Variants in ANO6 observed in about 807,000 individuals in gnomAD.
ANO6 encodes the protein anoctamin 6, also known as anoctamin-6.
A neutral mutation model predicts 117.5 loss-of-function variants in ANO6; 106 were observed. The observed-to-expected ratio is 0.90, with a 90% CI of 0.77 to 1.06. ANO6 has a LOEUF of 1.06. Among genes scored for constraint, ANO6 ranks in the 50% least tolerant of loss-of-function variants. The pLI, the probability that ANO6 is intolerant of heterozygous loss-of-function variation, is 0.00. For synonymous variants in ANO6, 367 were observed against 385.1 expected (o/e 0.95, Z 0.55); for missense variants, 955 against 1,121.1 (o/e 0.85, Z 2.12).
intron 11 of ANO6, among the ~76,000 whole-genome samples, chr12:45,389,791 G>T (rs182635419): frequency 6.6e-6 from 1 of 152,104 alleles, no homozygotes; most frequent in Non-Finnish European, 1.5e-5. Flanking sequence ...CCTCATGATC[G>T]CAGCTAAGGA....
intron 3 of ANO6, among the ~76,000 whole-genome samples, chr12:45,333,807 G>C (rs1199739619): frequency 6.6e-6 from 1 of 151,828 alleles, no homozygotes; most frequent in African/African-American, 2.4e-5. Context: ...CTCCTTGTCA[G>C]GCCTTATTGA....
At chr12:45,422,515 T>C (rs1247853388) in intron 18 of ANO6, among the ~76,000 whole-genome samples, 2 of 152,104 alleles carry the variant, frequency 1.3e-5, no homozygotes, top group Non-Finnish European at 2.9e-5. Context: ...TGTTACCAAA[T>C]TGAGCTTTAA....
chr12:45,384,351 T>C (rs976385946), intron 10 of ANO6, among the ~76,000 whole-genome samples: 12 of 152,224 alleles, frequency 7.9e-5, no homozygotes, highest in African/African-American at 2.9e-4. Context: ...TTCACTGGAG[T>C]AGTACTTTTC....
At chr12:45,315,676 A>T (rs551221082) in intron 2 of ANO6, among the ~76,000 whole-genome samples, 9 of 152,070 alleles carry the variant, frequency 5.9e-5, no homozygotes, top group Admixed American at 4.6e-4. Flanking sequence ...CTTTTCTCTC[A>T]GCCCTGCATG....
At chr12:45,254,360 A>T (rs1292584921) in intron 1 of ANO6, among the ~76,000 whole-genome samples, 1 of 152,110 alleles carries the variant, frequency 6.6e-6, no homozygotes, top group Non-Finnish European at 1.5e-5. Flanking sequence ...GGAGAGGAGG[A>T]TGGGGATGTT....
At chr12:45,227,653 A>G (rs1592840057) in intron 1 of ANO6, among the ~76,000 whole-genome samples, 2 of 152,068 alleles carry the variant, frequency 1.3e-5, no homozygotes, top group African/African-American at 4.8e-5. Context: ...TGTCATGGAA[A>G]CTGCTACTTT....
chr12:45,303,621 G>T (rs554338422), intron 2 of ANO6, among the ~76,000 whole-genome samples: 5 of 152,130 alleles, frequency 3.3e-5, no homozygotes, highest in Non-Finnish European at 7.4e-5. Flanking sequence ...GGCAAGTCTC[G>T]GCAGTTTGTT....
chr12:45,428,751 T>C (rs559580690), intron 19 of ANO6, among the ~76,000 whole-genome samples: 1 of 152,220 alleles, frequency 6.6e-6, no homozygotes, highest in Non-Finnish European at 1.5e-5. Context: ...TTTGGAGAAG[T>C]GCAAGGCCAT....
chr12:45,431,452 TAAAAG>T lies in ANO6; in HGVS notation c.*2145_*2149del, dbSNP rs1943630742. On this transcript the variant is annotated 3_prime_UTR_variant, in exon 20 of 20. Transcript: ENST00000320560. ...TATCTCCTGTATGTATGATAGAACTTAAAAGAAATGTGCATTTGTTTTCATAGCCC... is the reference window on the plus strand; with the variant it reads ...TATCTCCTGTATGTATGATAGAACTTAAATGTGCATTTGTTTTCATAGCCC... The T allele has an allele frequency of 3.0e-6, 3 of 985,312 alleles. No homozygotes were observed. The highest frequency in any genetic ancestry group is 3.6e-6 in the Non-Finnish European group (3 of 829,940). The allele number at this position is 985,312 out of a possible 1,614,324, so 61.0% of individuals were successfully genotyped here. A position where few individuals can be genotyped will look rare whatever the true frequency, so the allele number is the denominator to read the frequency against.
intron 8 of ANO6, among the ~76,000 whole-genome samples, chr12:45,358,937 C>T (rs1941482466): frequency 6.6e-6 from 1 of 152,032 alleles, no homozygotes; most frequent in African/African-American, 2.4e-5. Context: ...GGCTGCGCCA[C>T]CACACCCGGC....
intron 1 of ANO6, among the ~76,000 whole-genome samples, chr12:45,281,814 T>A (rs1157184300): frequency 6.6e-6 from 1 of 152,212 alleles, no homozygotes; most frequent in Non-Finnish European, 1.5e-5. Flanking sequence ...GCTATTAAAG[T>A]ATTTAAAGCA....
intron 19 of ANO6, 29 bp downstream of exon 19, chr12:45,423,091 A>G: frequency 6.5e-7 from 1 of 1,530,676 alleles, no homozygotes; most frequent in Non-Finnish European, 9.1e-7. Context: ...CAAACAGTTT[A>G]TAAGGATGTG....
At chr12:45,296,272 C>T (rs1190506530) in intron 1 of ANO6, among the ~76,000 whole-genome samples, 1 of 152,150 alleles carries the variant, frequency 6.6e-6, no homozygotes, top group Non-Finnish European at 1.5e-5. Flanking sequence ...AACATGTCCT[C>T]ATTCTCAAGG....
At chr12:45,375,158 G>GAC (rs1030689850) in intron 9 of ANO6, among the ~76,000 whole-genome samples, 57 of 152,194 alleles carry the variant, frequency 3.7e-4, no homozygotes, top group African/African-American at 1.3e-3. Flanking sequence ...AGATGTGAAG[G>GAC]ACCTCTTCAG....
intron 8 of ANO6, among the ~76,000 whole-genome samples, chr12:45,358,804 G>A (rs1478778099): frequency 2.0e-5 from 3 of 146,982 alleles, no homozygotes; most frequent in Admixed American, 2.0e-4. Flanking sequence ...TTTTGGTGGT[G>A]GGGGCAGTCT....
chr12:45,238,583 T>C (rs945698564), intron 1 of ANO6, among the ~76,000 whole-genome samples: 4 of 152,204 alleles, frequency 2.6e-5, no homozygotes, highest in Non-Finnish European at 4.4e-5. Flanking sequence ...CTGTGTTAAA[T>C]AGGAGTGGTA....
At chr12:45,388,784 T>C (rs2137577255) in intron 11 of ANO6, among the ~76,000 whole-genome samples, 1 of 152,250 alleles carries the variant, frequency 6.6e-6, no homozygotes, top group Admixed American at 6.5e-5. Context: ...AGTGTGGCCT[T>C]TATCCTAAAG....
chr12:45,277,195 G>T (rs964058943), intron 1 of ANO6, among the ~76,000 whole-genome samples: 2 of 152,116 alleles, frequency 1.3e-5, no homozygotes, highest in African/African-American at 2.4e-5. Flanking sequence ...ATTTTGGTAA[G>T]ATCAGTATGC....
At chr12:45,331,835 C>T (rs1283715413) in intron 3 of ANO6, among the ~76,000 whole-genome samples, 2 of 152,090 alleles carry the variant, frequency 1.3e-5, no homozygotes, top group Non-Finnish European at 2.9e-5. Context: ...GTTCTCCTTT[C>T]ATACAGCATG....
Sources: gnomAD v4.1 joint callset for allele counts (sites outside exome capture counted in the v4.1 genomes callset) on GRCh38, gnomAD v4.1.1 for gene constraint, MANE v1.5 for transcripts, NCBI Gene and HGNC (gene_info 2026-07-23, HGNC 2026-07-21) for gene names.